Variants in SNAP91 observed in about 807,000 individuals in gnomAD.
SNAP91 encodes clathrin coat assembly protein AP180.
SNAP91 carries 27 observed loss-of-function variants against 100.3 expected under a neutral mutation model. The ratio of observed to expected loss-of-function variants is 0.27; its 90% CI spans 0.20 to 0.37. The LOEUF is 0.37. Among genes scored for constraint, SNAP91 ranks in the 10% least tolerant of loss-of-function variants. The pLI is 1.00. For missense variants in SNAP91, 986 were observed against 1,123.7 expected, an observed-to-expected ratio of 0.88 and a Z score of 1.75; for synonymous variants, 404 against 398.6, an observed-to-expected ratio of 1.01 and a Z score of -0.16.
chr6:83,666,536 A>G (rs1169911653), intron 2 of SNAP91, among the ~76,000 whole-genome samples: 1 of 152,098 alleles, frequency 6.6e-6, no homozygotes, highest in African/African-American at 2.4e-5. Flanking sequence ...AAACATGCAC[A>G]TGTATTCTTC....
intron 26 of SNAP91, among the ~76,000 whole-genome samples, chr6:83,570,487 G>A (rs911482307): frequency 6.7e-6 from 1 of 149,968 alleles, no homozygotes; most frequent in East Asian, 2.0e-4. Flanking sequence ...TGGGGAAAAT[G>A]TCTCCAGGAC....
intron 3 of SNAP91, among the ~76,000 whole-genome samples, chr6:83,664,695 A>T (rs2098642624): frequency 6.6e-6 from 1 of 152,184 alleles, no homozygotes; most frequent in Non-Finnish European, 1.5e-5. Context: ...TGAAATAACA[A>T]CAAAGGATAT....
intron 2 of SNAP91, among the ~76,000 whole-genome samples, chr6:83,685,902 T>G (rs2099053743): frequency 6.6e-6 from 1 of 152,108 alleles, no homozygotes; most frequent in African/African-American, 2.4e-5. Flanking sequence ...TCCATCTTTT[T>G]AAAAAAATAG....
chr6:83,685,681 T>C (rs371930131), intron 2 of SNAP91, among the ~76,000 whole-genome samples: 1 of 152,244 alleles, frequency 6.6e-6, no homozygotes, highest in East Asian at 1.9e-4. Flanking sequence ...TTGCAGAACC[T>C]GCTTCGGGAC....
chr6:83,690,519 G>T, intron 2 of SNAP91: 2 of 750,344 alleles, frequency 2.7e-6, no homozygotes, highest in Non-Finnish European at 3.9e-6. Context: ...TTGAACAAGC[G>T]TTTTGTTTGG....
chr6:83,616,924 C>A (rs1020958994), intron 10 of SNAP91, 45 bp downstream of exon 10: 2 of 1,184,420 alleles, frequency 1.7e-6, no homozygotes, highest in African/African-American at 3.1e-5. Context: ...AGAAGAACGA[C>A]TGTAGTATTT....
intron 24 of SNAP91, among the ~76,000 whole-genome samples, chr6:83,576,803 T>C (rs762613187): frequency 2.6e-4 from 40 of 152,234 alleles, no homozygotes; most frequent in Admixed American, 5.2e-4. Flanking sequence ...TGTGAATCCC[T>C]TGACATAGTC....
At chr6:83,566,763 GA>G (rs373456031) in intron 26 of SNAP91, among the ~76,000 whole-genome samples, 213 of 152,214 alleles carry the variant, frequency 1.4e-3, no homozygotes, top group African/African-American at 4.1e-3. Flanking sequence ...TTACCAATCA[GA>G]AATTGCCAAC....
intron 23 of SNAP91, among the ~76,000 whole-genome samples, chr6:83,580,883 T>C (rs374576453): frequency 2.8e-4 from 43 of 152,330 alleles, no homozygotes; most frequent in African/African-American, 1.0e-3. Context: ...CATGACTCAC[T>C]GGCTACATGA....
intron 22 of SNAP91, among the ~76,000 whole-genome samples, chr6:83,582,716 C>G (rs1056246237): frequency 6.6e-6 from 1 of 152,170 alleles, no homozygotes; most frequent in African/African-American, 2.4e-5. Context: ...TTCTTCAAAT[C>G]ATAATATCCG....
intron 2 of SNAP91, among the ~76,000 whole-genome samples, chr6:83,669,731 G>A (rs980338219): frequency 1.3e-5 from 2 of 151,912 alleles, no homozygotes; most frequent in African/African-American, 4.8e-5. Flanking sequence ...TTTATGTGAA[G>A]GGAATAAAAC....
intron 2 of SNAP91, among the ~76,000 whole-genome samples, chr6:83,681,891 T>G (rs1010316301): frequency 1.3e-5 from 2 of 152,130 alleles, no homozygotes; most frequent in African/African-American, 4.8e-5. Context: ...AGGTTAAATT[T>G]GAAACTATGG....
intron 24 of SNAP91, among the ~76,000 whole-genome samples, chr6:83,577,626 G>GA: frequency 6.6e-6 from 1 of 152,252 alleles, no homozygotes; most frequent in Middle Eastern, 3.4e-3. Context: ...GCATGCAGGA[G>GA]ATTTATTTTG....
At chr6:83,577,702 A>G (rs550931987) in intron 24 of SNAP91, among the ~76,000 whole-genome samples, 3 of 152,344 alleles carry the variant, frequency 2.0e-5, no homozygotes, top group African/African-American at 4.8e-5. Flanking sequence ...GCGTCAGCTA[A>G]CACTGAAAAA....
chr6:83,586,693 C>T (rs2092703276), intron 22 of SNAP91, among the ~76,000 whole-genome samples: 1 of 152,180 alleles, frequency 6.6e-6, no homozygotes, highest in South Asian at 2.1e-4. Context: ...ACTTAACTTT[C>T]AAGTTTTCAT....
intron 5 of SNAP91, among the ~76,000 whole-genome samples, chr6:83,660,590 T>A (rs1344529414): frequency 6.6e-6 from 1 of 152,168 alleles, no homozygotes; most frequent in East Asian, 1.9e-4. Context: ...TAAATGGTAA[T>A]TATAGATAAA....
At chr6:83,644,652 T>A (rs1360355856) in intron 7 of SNAP91, among the ~76,000 whole-genome samples, 1 of 152,186 alleles carries the variant, frequency 6.6e-6, no homozygotes, top group Non-Finnish European at 1.5e-5. Context: ...AAAATTATCA[T>A]CTCTGAGAGA....
At chr6:83,574,175 G>A (rs1813823457) in intron 26 of SNAP91, among the ~76,000 whole-genome samples, 1 of 152,226 alleles carries the variant, frequency 6.6e-6, no homozygotes, top group African/African-American at 2.4e-5. Context: ...ATTTAGATAG[G>A]TGGAGGTGGT....
intron 8 of SNAP91, among the ~76,000 whole-genome samples, chr6:83,629,888 T>C (rs1373191015): frequency 1.3e-5 from 2 of 152,102 alleles, no homozygotes; most frequent in Admixed American, 6.6e-5. Flanking sequence ...CGGTACTATG[T>C]TGAAGAGGAG....
Sources: gnomAD v4.1 joint callset for allele counts (sites outside exome capture counted in the v4.1 genomes callset) on GRCh38, gnomAD v4.1.1 for gene constraint, MANE v1.5 for transcripts, NCBI Gene and HGNC (gene_info 2026-07-23, HGNC 2026-07-21) for gene names.